CCDC88B: variants seen among roughly 807,000 people sequenced by gnomAD.
CCDC88B encodes coiled-coil domain-containing protein 88B.
CCDC88B carries 138 observed loss-of-function variants against 183.7 expected under a neutral mutation model. The ratio of observed to expected loss-of-function variants is 0.75; its 90% CI spans 0.65 to 0.87. The LOEUF is 0.87. Ranked by LOEUF, CCDC88B falls within the 40% of genes least tolerant of loss-of-function variation. The probability of loss-of-function intolerance (pLI) is 0.00; values close to 1 mark genes in which losing one functional copy is unlikely to be tolerated. For missense variants in CCDC88B, 1,822 were observed against 1,965.6 expected (o/e 0.93, Z 1.38); for synonymous variants, 835 against 867.5 (o/e 0.96, Z 0.66).
Position 64,341,112 on chromosome 11 carries a change from G to A in CCDC88B, c.322G>A (p.Glu108Lys), listed in dbSNP as rs2035826368. 1.2e-6 allele frequency: 2 copies of A among 1,613,956 alleles called. No homozygotes were observed. The highest frequency in any genetic ancestry group is 1.3e-5 in the African/African-American group (1 of 74,868). ...TAGTCTGCCTCTCTGCCTCCAGGAG[G>A]AGCTGCAGCTGCTGATCCTGTCGCC... ...WGRLRDFYQE[E>K]LQLLILSPPP... The change falls in exon 4 of 27, where the codon GAG becomes AAG. Residue 108 changes from glutamate (E) to lysine (K), a missense_variant. By Grantham distance (56) the Glu-to-Lys change is moderately conservative. Transcript: ENST00000356786.
Position 64,342,301 on chromosome 11 carries a change from A to G in CCDC88B, c.829A>G (p.Lys277Glu). ...GACTCCCCTTCCCTCCAGGGAGGAG[A>G]AGGCCGAGCTGCTGCTAGACTCCCA... ...LRRLRQELEE[K>E]AELLLDSQAE... Residue 277 changes from lysine (K) to glutamate (E), a missense_variant, in exon 9 of 27, where the codon AAG becomes GAG. Coordinates refer to ENST00000356786, the MANE Select transcript of CCDC88B (RefSeq NM_032251.6). The G allele has an allele frequency of 1.3e-6, 2 of 1,589,250 alleles. No individual in the cohort carries two copies. Among genetic ancestry groups the G allele is most frequent in the Non-Finnish European group, 1.7e-6 (2 of 1,168,514 alleles).
At chr11:64,352,464 TC>T in intron 19 of CCDC88B, 78 bp downstream of exon 19, 1 of 1,457,454 alleles carries the variant, frequency 6.9e-7, no homozygotes. Context: ...CAGGTCTGAC[TC>T]CCCATCAGGA....
At chr11:64,348,916 C>A in intron 14 of CCDC88B, 1 of 675,832 alleles carries the variant, frequency 1.5e-6, no homozygotes, top group Non-Finnish European at 2.8e-6. Context: ...GTGGCCTTTT[C>A]CCTGTAGCCA....
Position 64,340,664 on chromosome 11 carries a change from G to A in CCDC88B, c.118G>A (p.Glu40Lys). 2 of 1,612,056 alleles carry A rather than the reference G, an allele frequency of 1.2e-6. No individual in the cohort carries two copies. The highest frequency in any genetic ancestry group is 1.7e-6 in the Non-Finnish European group (2 of 1,179,840). Residue 40 changes from glutamate (E) to lysine (K), a missense_variant, in exon 2 of 27, where the codon GAA (glutamate) becomes AAA (lysine). Transcript: ENST00000356786. ...EAEDSEGEEE[E>K]EEEEPPLWLE... Reference sequence around the variant, plus strand: ...GGAGGACTCGGAGGGGGAAGAAGAGGAAGAGGAGGAAGAGCCGCCCCTTTG... The same window carrying A: ...GGAGGACTCGGAGGGGGAAGAAGAGAAAGAGGAGGAAGAGCCGCCCCTTTG...
intron 10 of CCDC88B, 141 bp from the exon 11 acceptor site, chr11:64,343,038 C>A: frequency 1.2e-6 from 1 of 847,738 alleles, no homozygotes; most frequent in South Asian, 2.0e-5. Context: ...AAGGGAGTGG[C>A]GGGGCCTAGA....
rs1166709294 is a variant in CCDC88B at position 64,343,595 on chromosome 11, C to A, written c.1298C>A (p.Pro433His). ...GAGCTTCAGCGGAGCTTGGAGCCAC[C>A]TCCAGGATCCCCTGGGGAGGGTGAG... Reference protein sequence around the residue: ...ELELQRSLEPPPGSPGEAPLA... With the variant: ...ELELQRSLEPHPGSPGEAPLA... The change falls in exon 12 of 27, where the codon CCT becomes CAT. Residue 433 changes from proline to histidine, a missense_variant. By Grantham distance (77) the Pro-to-His change is moderately conservative (BLOSUM62 -2). Coordinates refer to ENST00000356786, the MANE Select transcript of CCDC88B (RefSeq NM_032251.6). 6.4e-7 allele frequency: 1 copy of A among 1,551,498 alleles called. No individual in the cohort carries two copies. Among genetic ancestry groups the A allele is most frequent in the Admixed American group, 2.0e-5 (1 of 50,988 alleles).
chr11:64,340,545 G>T, intron 1 of CCDC88B, 62 bp from the exon 2 acceptor site: 1 of 1,559,240 alleles, frequency 6.4e-7, no homozygotes, highest in Non-Finnish European at 8.6e-7. Context: ...GCTCACTGGG[G>T]CAGGTCGGAG....
At chr11:64,352,662 C>T (rs992141401) in intron 19 of CCDC88B, 82 bp from the exon 20 acceptor site, 19 of 1,581,424 alleles carry the variant, frequency 1.2e-5, no homozygotes, top group African/African-American at 9.4e-5. Context: ...CAGACCCCCC[C>T]GCCCCGGGTC....
At position 64,342,665 on chromosome 11, in the gene CCDC88B, C is replaced by T; in HGVS notation, c.1047C>T (p.Tyr349=). 6.7e-7 allele frequency: 1 copy of T among 1,503,720 alleles called. No homozygotes were observed. Among genetic ancestry groups the T allele is most frequent in the Non-Finnish European group, 8.8e-7 (1 of 1,132,800 alleles). 93.1% of individuals were successfully genotyped at this position (1,503,720 alleles called of 1,614,324 possible). A position where few individuals can be genotyped will look rare whatever the true frequency, so the allele number is the denominator to read the frequency against. ...CRERLQAAEA[Y]KSQLEEERVL... The stretch of plus-strand genomic sequence containing the variant: ...AGCGGCTGCAGGCGGCTGAGGCCTA[C>T]AAGAGTCAGCTGGAGGTGAGGCGGA... Residue 349 remains tyrosine, a synonymous_variant, in exon 10 of 27, where the codon TAC becomes TAT. Transcript: ENST00000356786.
In CCDC88B at chr11:64,340,333, G is replaced by C; in HGVS notation, c.60+7G>C. The stretch of plus-strand genomic sequence containing the variant: ...TGGGAGTCTGGCTACCTGGGTGAGG[G>C]GGCAGGTGGCAGCGGGTTGGGGAGG... On this transcript the variant is annotated splice_region_variant and intron_variant, in intron 1 of 26. Transcript: ENST00000356786. The C allele has an allele frequency of 7.7e-7, 1 of 1,299,172 alleles. No homozygotes were observed. Among genetic ancestry groups the C allele is most frequent in the Non-Finnish European group, 9.9e-7 (1 of 1,014,696 alleles). The allele number at this position is 1,299,172 out of a possible 1,614,324, so 80.5% of individuals were successfully genotyped here.
At chr11:64,353,533 T>C (rs2036426742) in intron 22 of CCDC88B, 37 bp downstream of exon 22, 1 of 1,602,236 alleles carries the variant, frequency 6.2e-7, no homozygotes, top group Non-Finnish European at 8.5e-7. Flanking sequence ...GGGGCCTGCA[T>C]CCCCTTTGGG....
intron 14 of CCDC88B, chr11:64,348,779 G>A (rs993816899): frequency 1.8e-5 from 10 of 554,324 alleles, no homozygotes; most frequent in African/African-American, 3.8e-5. Flanking sequence ...TGGGCCTCCC[G>A]TCTCCTTCCA....
rs765328663 is a variant in CCDC88B at position 64,344,403 on chromosome 11, G to C, written c.1862G>C (p.Gly621Ala). Reference protein sequence around the residue: ...GTKIQAPQLLGGETEGREAPQ... With the variant: ...GTKIQAPQLLAGETEGREAPQ... The stretch of plus-strand genomic sequence containing the variant: ...AAAATTCAGGCCCCGCAGTTGCTGG[G>C]AGGAGAGACAGAGGGAAGAGAGGCT... The change falls in exon 14 of 27, where the codon GGA (glycine) becomes GCA (alanine). Residue 621 changes from glycine (G) to alanine (A), a missense_variant. By Grantham distance (60) the Gly-to-Ala change is moderately conservative (BLOSUM62 0). Coordinates refer to ENST00000356786, the MANE Select transcript of CCDC88B (RefSeq NM_032251.6). This position sits in a 1 kb window ranked among gnomAD's most constrained non-coding sequence, Gnocchi z 4.5. The C allele has an allele frequency of 6.3e-7, 1 of 1,588,354 alleles. No individual in the cohort carries two copies. Among genetic ancestry groups the C allele is most frequent in the Non-Finnish European group, 8.6e-7 (1 of 1,167,942 alleles).
Position 64,343,554 on chromosome 11 carries a change from T to C in CCDC88B, c.1257T>C (p.Asn419=), listed in dbSNP as rs1460925180. Residue 419 remains asparagine, a synonymous_variant, in exon 12 of 27, where the codon AAT becomes AAC. Coordinates refer to ENST00000356786, the MANE Select transcript of CCDC88B (RefSeq NM_032251.6). ...AGGTGGACCAGCTGGCTGAGGAGAA[T>C]GTGGAGCTGGAGCTGGAGCTTCAGC... ...RHQVDQLAEE[N]VELELELQRS... is the part of the protein sequence containing the mutation. The C allele has an allele frequency of 1.3e-6, 2 of 1,551,944 alleles. No homozygotes were observed. Among genetic ancestry groups the C allele is most frequent in the South Asian group, 2.4e-5 (2 of 84,074 alleles).
chr11:64,354,222 C>A, intron 24 of CCDC88B, 52 bp downstream of exon 24: 6 of 1,287,632 alleles, frequency 4.7e-6, no homozygotes, highest in Non-Finnish European at 5.0e-6. Flanking sequence ...CATCCTCTGT[C>A]CCCCACCTTG....
intron 24 of CCDC88B, among the ~76,000 whole-genome samples, chr11:64,354,386 C>A (rs1487814612): frequency 6.6e-6 from 1 of 152,102 alleles, no homozygotes; most frequent in Non-Finnish European, 1.5e-5. Context: ...TGTCCCCGAC[C>A]CAGCCTGCCC....
rs2036453055 is a variant in CCDC88B at position 64,354,137 on chromosome 11, G to A, written c.4066G>A (p.Glu1356Lys). Residue 1356 changes from glutamate (E) to lysine (K), a missense_variant, in exon 24 of 27, where the codon GAG becomes AAG. Coordinates refer to ENST00000356786, the MANE Select transcript of CCDC88B (RefSeq NM_032251.6). Reference sequence around the variant, plus strand: ...GAGCCTGGGGGGCCCCCCGGAGACGGAGCTTCCTGAGGGCAGGGAGGCAGA... The same window carrying A: ...GAGCCTGGGGGGCCCCCCGGAGACGAAGCTTCCTGAGGGCAGGGAGGCAGA... ...TESLGGPPET[E>K]LPEGREADGT... The A allele has an allele frequency of 1.0e-5, 14 of 1,375,150 alleles. No individual in the cohort carries two copies. Among genetic ancestry groups the A allele is most frequent in the Non-Finnish European group, 1.2e-5 (13 of 1,057,758 alleles). The allele number at this position is 1,375,150 out of a possible 1,614,324, so 85.2% of individuals were successfully genotyped here. A position where few individuals can be genotyped will look rare whatever the true frequency, so the allele number is the denominator to read the frequency against.
chr11:64,353,849 C>A, intron 23 of CCDC88B, 36 bp downstream of exon 23: 2 of 1,610,746 alleles, frequency 1.2e-6, no homozygotes, highest in Non-Finnish European at 1.7e-6. Flanking sequence ...GGCTGGACAT[C>A]CTGCTAACCT....
intron 26 of CCDC88B, 156 bp from the exon 27 acceptor site, chr11:64,356,883 G>A: frequency 2.9e-6 from 2 of 678,606 alleles, no homozygotes; most frequent in South Asian, 1.9e-5. Context: ...ATTCTGGGCA[G>A]AGGGAACCGC....
Sources: gnomAD v4.1 joint callset for allele counts (sites outside exome capture counted in the v4.1 genomes callset) on GRCh38, gnomAD v4.1.1 for gene constraint, Gnocchi (gnomAD v3.1) non-coding constraint, MANE v1.5 for transcripts, NCBI Gene and HGNC (gene_info 2026-07-23, HGNC 2026-07-21) for gene names.